AGBL1: variants seen among roughly 807,000 people sequenced by gnomAD.
The protein encoded by AGBL1 is AGBL carboxypeptidase 1, also known as cytosolic carboxypeptidase 4.
In AGBL1, 130 loss-of-function variants were observed where a neutral mutation model predicts 118.9. That is an observed-to-expected ratio of 1.09 (90% CI 0.95 to 1.26). The LOEUF is 1.26. Among genes scored for constraint, AGBL1 ranks in the 50% most tolerant of loss-of-function variants. The pLI is 0.00. For synonymous variants in AGBL1, 555 were observed against 478.9 expected, an observed-to-expected ratio of 1.16 and a Z score of -2.08; for missense variants, 1,584 against 1,298.1, an observed-to-expected ratio of 1.22 and a Z score of -3.38.
chr15:86,831,491 G>C (rs938797184), intron 22 of AGBL1, among the ~76,000 whole-genome samples: 1 of 152,184 alleles, frequency 6.6e-6, no homozygotes, highest in African/African-American at 2.4e-5. Context: ...CCAAATGGGA[G>C]AAATTGGCTA....
intron 21 of AGBL1, among the ~76,000 whole-genome samples, chr15:86,589,127 T>A (rs2084297670): frequency 2.0e-5 from 3 of 152,108 alleles, no homozygotes; most frequent in Non-Finnish European, 4.4e-5. Flanking sequence ...TTGGGTATCA[T>A]TTTAGAACAG....
chr15:86,950,520 T>A (rs962702), intron 23 of AGBL1, among the ~76,000 whole-genome samples: 107,253 of 148,998 alleles, frequency 0.72, 38,745 homozygotes, highest in African/African-American at 0.8. Flanking sequence ...AAGAAAAAAA[T>A]ATATATATGT....
intron 24 of AGBL1, among the ~76,000 whole-genome samples, chr15:87,013,064 C>G (rs1424700810): frequency 1.3e-5 from 2 of 152,148 alleles, no homozygotes; most frequent in Admixed American, 6.6e-5. Flanking sequence ...TTTCTTGTAG[C>G]CTGAATTAGT....
At chr15:86,723,438 A>G (rs559233837) in intron 22 of AGBL1, among the ~76,000 whole-genome samples, 3 of 152,300 alleles carry the variant, frequency 2.0e-5, no homozygotes, top group Admixed American at 2.0e-4. Flanking sequence ...TCTCACTCCT[A>G]GGTGGGAATT....
intron 9 of AGBL1, among the ~76,000 whole-genome samples, chr15:86,260,575 G>A (rs2078966974): frequency 6.6e-6 from 1 of 151,940 alleles, no homozygotes; most frequent in Admixed American, 6.6e-5. Context: ...TGCTTTATTG[G>A]GTATGATCCG....
intron 21 of AGBL1, among the ~76,000 whole-genome samples, chr15:86,621,366 A>G (rs1044174083): frequency 1.3e-5 from 2 of 152,254 alleles, no homozygotes; most frequent in African/African-American, 4.8e-5. Flanking sequence ...ACAAATTATT[A>G]TAAACAGGAT....
intron 24 of AGBL1, among the ~76,000 whole-genome samples, chr15:86,996,961 T>C (rs1188889915): frequency 2.0e-5 from 3 of 152,072 alleles, no homozygotes; most frequent in Non-Finnish European, 4.4e-5. Context: ...CCACAGAAAA[T>C]ATCCATTATA....
Position 86,541,081 on chromosome 15 carries a change from A to G in AGBL1, c.2686-4921A>G, listed in dbSNP as rs200001269. On this transcript the variant is annotated intron_variant, in intron 19 of 22. Transcript: ENST00000614907. ...TAAGACACAGTTTTAATTTGTTTGC[A>G]CACTTTTCATAAGAATGGTGAGTGT... Among the ~76,000 whole-genome samples the G allele has an allele frequency of 5.9e-5, 9 of 152,346 alleles. No homozygotes were observed. The East Asian group carries it at 1.7e-3, about 29-fold the overall frequency.
intron 5 of AGBL1, among the ~76,000 whole-genome samples, chr15:86,189,342 G>C (rs1466879030): frequency 3.3e-5 from 5 of 152,142 alleles, no homozygotes; most frequent in Admixed American, 1.3e-4. Context: ...GAGATTTGGG[G>C]ATGAAAACTA....
intron 22 of AGBL1, among the ~76,000 whole-genome samples, chr15:86,759,698 G>C (rs1255113931): frequency 6.6e-6 from 1 of 152,140 alleles, no homozygotes; most frequent in East Asian, 1.9e-4. Flanking sequence ...GAATATGGAA[G>C]AACATTAAAA....
At chr15:86,311,339 T>G (rs1404614590) in intron 17 of AGBL1, among the ~76,000 whole-genome samples, 1 of 152,242 alleles carries the variant, frequency 6.6e-6, no homozygotes, top group Non-Finnish European at 1.5e-5. Flanking sequence ...TGCTACTTTC[T>G]TCCATTAGAA....
chr15:86,460,984 C>A (rs1224131433), intron 18 of AGBL1, among the ~76,000 whole-genome samples: 2 of 152,170 alleles, frequency 1.3e-5, no homozygotes, highest in Non-Finnish European at 2.9e-5. Flanking sequence ...AGATGATTTC[C>A]ACCCCAGAAG....
chr15:86,839,814 C>T (rs1262862224), intron 22 of AGBL1, among the ~76,000 whole-genome samples: 2 of 152,134 alleles, frequency 1.3e-5, no homozygotes, highest in Non-Finnish European at 2.9e-5. Context: ...CCATTCAACC[C>T]AGTCAAGCTG....
At chr15:86,690,942 T>C (rs2086155631) in intron 22 of AGBL1, among the ~76,000 whole-genome samples, 1 of 152,170 alleles carries the variant, frequency 6.6e-6, no homozygotes. Flanking sequence ...AATTGTATTA[T>C]TAATCAGGGA....
intron 21 of AGBL1, among the ~76,000 whole-genome samples, chr15:86,572,609 G>A (rs1326917332): frequency 1.3e-5 from 2 of 152,180 alleles, no homozygotes; most frequent in Admixed American, 1.3e-4. Flanking sequence ...CCAGAGCTGC[G>A]GAGGCTCTGG....
chr15:86,942,701 G>T (rs1379057638), intron 23 of AGBL1, among the ~76,000 whole-genome samples: 1 of 152,074 alleles, frequency 6.6e-6, no homozygotes, highest in Non-Finnish European at 1.5e-5. Context: ...AAAGCCTTTT[G>T]TAATCCCTTC....
At chr15:86,685,706 C>T (rs981370309) in intron 22 of AGBL1, among the ~76,000 whole-genome samples, 3 of 152,022 alleles carry the variant, frequency 2.0e-5, no homozygotes, top group African/African-American at 7.2e-5. Context: ...GTTTATGATG[C>T]TAAATGTTTG....
chr15:86,386,923 G>A (rs1197385104), intron 17 of AGBL1, among the ~76,000 whole-genome samples: 2 of 152,180 alleles, frequency 1.3e-5, no homozygotes, highest in Non-Finnish European at 2.9e-5. Flanking sequence ...GAGTGATTAT[G>A]TTGTTTATGT....
intron 18 of AGBL1, among the ~76,000 whole-genome samples, chr15:86,506,623 T>A (rs1029963614): frequency 6.6e-5 from 10 of 152,072 alleles, no homozygotes; most frequent in African/African-American, 2.4e-4. Flanking sequence ...GGATTCCACT[T>A]GCCATCTGCT....
Sources: allele counts gnomAD v4.1 joint callset (sites outside exome capture counted in the v4.1 genomes callset), GRCh38; gene constraint gnomAD v4.1.1; transcripts MANE v1.5; gene names NCBI Gene and HGNC (gene_info 2026-07-23, HGNC 2026-07-21).